GREB1: variants seen among roughly 807,000 people sequenced by gnomAD.
GREB1 encodes growth regulating estrogen receptor binding 1.
In GREB1, 106 loss-of-function variants were observed where a neutral mutation model predicts 200.7. That is an observed-to-expected ratio of 0.53 (90% confidence interval 0.45 to 0.62). The LOEUF is 0.62. Ranked by LOEUF, GREB1 falls within the 20% of genes least tolerant of loss-of-function variation. The pLI is 0.00. For synonymous variants in GREB1, 1,132 were observed against 1,092.4 expected (o/e 1.04, Z -0.72); for missense variants, 2,243 against 2,556.8 (o/e 0.88, Z 2.65).
intron 27 of GREB1, among the ~76,000 whole-genome samples, chr2:11,632,627 T>G (rs1446833213): frequency 6.6e-6 from 1 of 152,214 alleles, no homozygotes; most frequent in African/African-American, 2.4e-5. Flanking sequence ...CGTGAGCCAC[T>G]GCGCCTGGCC....
At chr2:11,538,419 A>G (rs1674401100) in intron 1 of GREB1, among the ~76,000 whole-genome samples, 1 of 152,198 alleles carries the variant, frequency 6.6e-6, no homozygotes, top group Admixed American at 6.5e-5. Context: ...GTCATATTCA[A>G]GTCACTTTTG....
upstream of GREB1, among the ~76,000 whole-genome samples, chr2:11,533,350 T>C (rs920612719): frequency 4.6e-5 from 7 of 152,164 alleles, no homozygotes; most frequent in African/African-American, 1.7e-4. Flanking sequence ...CTAAATACTC[T>C]ACTACATTAT....
At chr2:11,513,783 C>T (rs990386640) in intron 1 of GREB1, among the ~76,000 whole-genome samples, 6 of 152,068 alleles carry the variant, frequency 3.9e-5, no homozygotes, top group Admixed American at 6.6e-5. Context: ...TTCTTGGTAC[C>T]GATATTGCCA....
At position 11,640,424 on chromosome 2, in the gene GREB1, G is replaced by T. The variant is rs758737517; in HGVS notation, c.5820G>T (p.Pro1940=). 1.1e-5 allele frequency: 17 copies of T among 1,614,064 alleles called. No homozygotes were observed. Among genetic ancestry groups the T allele is most frequent in the African/African-American group, 2.7e-5 (2 of 74,942 alleles). The change falls in exon 33 of 33, where the codon CCG becomes CCT. Residue 1940 remains proline (P), a synonymous_variant. Transcript: ENST00000381486. This position sits in a 1 kb window ranked among gnomAD's most constrained non-coding sequence, Gnocchi z 4.6. ...FQTANAREDR[P]LFFLTGRHI is the part of the protein sequence containing the mutation. The stretch of plus-strand genomic sequence containing the variant: ...CCGCCAATGCCAGGGAAGACCGGCC[G>T]CTCTTTTTTCTGACGGGACGACACA...
intron 24 of GREB1, among the ~76,000 whole-genome samples, chr2:11,626,185 C>G (rs1391526864): frequency 6.6e-6 from 1 of 152,172 alleles, no homozygotes; most frequent in Non-Finnish European, 1.5e-5. Flanking sequence ...AAACCAACAA[C>G]TTTATTGTCC....
At chr2:11,635,620 C>T (rs1249785999) in intron 30 of GREB1, among the ~76,000 whole-genome samples, 2 of 152,200 alleles carry the variant, frequency 1.3e-5, no homozygotes, top group Non-Finnish European at 2.9e-5. Context: ...CAGTATCCTG[C>T]AAGCTTCCTC....
intron 1 of GREB1, among the ~76,000 whole-genome samples, chr2:11,540,401 C>A (rs1295230912): frequency 6.6e-6 from 1 of 152,204 alleles, no homozygotes; most frequent in Non-Finnish European, 1.5e-5. Context: ...TGGTTGGTTC[C>A]AGAGAGAAGG....
chr2:11,581,733 A>C (rs892269763), intron 7 of GREB1, among the ~76,000 whole-genome samples: 3 of 152,156 alleles, frequency 2.0e-5, no homozygotes, highest in South Asian at 4.1e-4. Flanking sequence ...TAAGACATCA[A>C]ACTGGAGGAG....
At chr2:11,585,466 A>C (rs1679983285) in intron 8 of GREB1, among the ~76,000 whole-genome samples, 192 bp downstream of exon 8, 1 of 152,276 alleles carries the variant, frequency 6.6e-6, no homozygotes, top group South Asian at 2.1e-4. Flanking sequence ...ATTGCTTTGC[A>C]AGGTCTAGGA....
intron 1 of GREB1, among the ~76,000 whole-genome samples, chr2:11,540,370 A>C (rs1187769876): frequency 6.6e-6 from 1 of 152,232 alleles, no homozygotes; most frequent in Admixed American, 6.5e-5. Context: ...AGGAGATTCA[A>C]AACACTGCTT....
Position 11,548,620 on chromosome 2 carries a change from G to C in GREB1, c.-161-7834G>C, listed in dbSNP as rs1212771657. On this transcript the variant is annotated intron_variant, in intron 1 of 32. Coordinates refer to ENST00000381486, the MANE Select transcript of GREB1 (RefSeq NM_014668.4). The surrounding 1 kb of genome is among the most constrained non-coding windows in gnomAD (Gnocchi z 5.1). ...ATCAGATAATTAAATCTGTTGCCCT[G>C]TTTTCTTCTTGGAGGCCTCCTTCCT... 6.6e-6 allele frequency among the ~76,000 whole-genome samples: 1 copy of C among 152,012 alleles called. No individual in the cohort carries two copies. Among genetic ancestry groups the C allele is most frequent in the Non-Finnish European group, 1.5e-5 (1 of 68,008 alleles).
At chr2:11,634,472 T>C (rs1318631649) in intron 29 of GREB1, 123 bp downstream of exon 29, 15 of 680,906 alleles carry the variant, frequency 2.2e-5, no homozygotes, top group Non-Finnish European at 3.8e-5. Flanking sequence ...TGCTCTCCGT[T>C]GTCCCAGTTT....
chr2:11,576,691 A>G (rs1178844981), intron 5 of GREB1, among the ~76,000 whole-genome samples, 156 bp downstream of exon 5: 1 of 152,242 alleles, frequency 6.6e-6, no homozygotes, highest in Non-Finnish European at 1.5e-5. Context: ...CCTTTGCGTT[A>G]CGGGCGTTAA....
At chr2:11,601,284 A>G (rs1681757794) in intron 16 of GREB1, among the ~76,000 whole-genome samples, 1 of 152,176 alleles carries the variant, frequency 6.6e-6, no homozygotes, top group South Asian at 2.1e-4. Context: ...GTTCTATGGC[A>G]TTGAATGGAG....
At chr2:11,638,013 T>C (rs1249140711) in intron 31 of GREB1, 97 bp downstream of exon 31, 5 of 1,043,722 alleles carry the variant, frequency 4.8e-6, no homozygotes, top group African/African-American at 1.6e-5. Flanking sequence ...AGTCCTCAAC[T>C]CCTTCGTCTC....
At chr2:11,522,858 C>T (rs1010544146) in intron 1 of GREB1, among the ~76,000 whole-genome samples, 14 of 152,366 alleles carry the variant, frequency 9.2e-5, no homozygotes, top group Admixed American at 3.3e-4. Flanking sequence ...CACATCTCAC[C>T]AGGATTCCCA....
intron 1 of GREB1, among the ~76,000 whole-genome samples, chr2:11,507,230 G>A (rs1182170628): frequency 6.6e-6 from 1 of 152,072 alleles, no homozygotes; most frequent in Non-Finnish European, 1.5e-5. Flanking sequence ...CCAACGTGGC[G>A]AAACCCCATC....
chr2:11,587,139 G>A (rs979574475), intron 9 of GREB1, among the ~76,000 whole-genome samples: 9 of 152,060 alleles, frequency 5.9e-5, no homozygotes, highest in Admixed American at 2.0e-4. Flanking sequence ...TGCTCCCTCC[G>A]CTGCCTCTCT....
At chr2:11,637,640 C>T in intron 30 of GREB1, 76 bp from the exon 31 acceptor site, 1 of 1,380,746 alleles carries the variant, frequency 7.2e-7, no homozygotes, top group Non-Finnish European at 1.0e-6. Context: ...CTTGGGCCAC[C>T]CTTGCAGCCC....
Sources: allele counts gnomAD v4.1 joint callset (sites outside exome capture counted in the v4.1 genomes callset), GRCh38; gene constraint gnomAD v4.1.1; non-coding constraint Gnocchi (gnomAD v3.1); transcripts MANE v1.5; gene names NCBI Gene and HGNC (gene_info 2026-07-23, HGNC 2026-07-21).